Variants in DPYSL2 observed in about 807,000 individuals in gnomAD.
The protein encoded by DPYSL2 is dihydropyrimidinase like 2.
A neutral mutation model predicts 69.9 loss-of-function variants in DPYSL2; 13 were observed. That is an observed-to-expected ratio of 0.19 (90% CI 0.12 to 0.30). The LOEUF (loss-of-function observed/expected upper bound fraction) is 0.30. Ranked by LOEUF, DPYSL2 falls within the 10% of genes least tolerant of loss-of-function variation. DPYSL2 has a pLI of 1.00. For synonymous variants in DPYSL2, 326 were observed against 359.1 expected, an observed-to-expected ratio of 0.91 and a Z score of 1.04; for missense variants, 587 against 918.9, an observed-to-expected ratio of 0.64 and a Z score of 4.67.
rs2129746129 is a variant in DPYSL2, at chr8:26,585,311, G to A, written c.628+1328G>A. ...TATCTGGAAGCTTCTTTTCTATCTTGCCTGAGCTAGAGGAATGTTGCCCTG... is the reference window on the plus strand; with the variant it reads ...TATCTGGAAGCTTCTTTTCTATCTTACCTGAGCTAGAGGAATGTTGCCCTG... On this transcript the variant is annotated intron_variant, in intron 3 of 13. Coordinates refer to ENST00000521913, the MANE Select transcript of DPYSL2 (RefSeq NM_001197293.3). The surrounding 1 kb of genome is among the most constrained non-coding windows in gnomAD (Gnocchi z 4.0). Among the ~76,000 whole-genome samples, 1 of 152,098 alleles carries A rather than the reference G, an allele frequency of 6.6e-6. No homozygotes were observed. Among genetic ancestry groups the A allele is most frequent in the East Asian group, 1.9e-4 (1 of 5,174 alleles).
chr8:26,548,175 G>A (rs12543398), intron 1 of DPYSL2: 90,023 of 236,880 alleles, frequency 0.38, 20,110 homozygotes, highest in East Asian at 0.67. Context: ...AGACAACCAC[G>A]TCCAAGTACT....
chr8:26,609,480 G>A lies in DPYSL2; in HGVS notation c.629-14663G>A, dbSNP rs192686657. Among the ~76,000 whole-genome samples, 3 of 152,320 alleles carry A rather than the reference G, an allele frequency of 2.0e-5. No individual in the cohort carries two copies. Among genetic ancestry groups the A allele is most frequent in the Admixed American group, 1.3e-4 (2 of 15,304 alleles). ...ACGAAGTCAAACCCAGTCTTTGCAC[G>A]TGGAAGCTTGTGGCGTGACTGTTAT... is the stretch of plus-strand genomic sequence containing the variant. On this transcript the variant is annotated intron_variant, in intron 3 of 13. Transcript: ENST00000521913. The surrounding 1 kb of genome is among the most constrained non-coding windows in gnomAD (Gnocchi z 6.5).
Position 26,652,099 on chromosome 8 carries a change from C to T in DPYSL2, c.1597-158C>T, listed in dbSNP as rs191135523. ...CATATTCTAGACAGGGAAATGGAGA[C>T]ACAGCAAGTAAGTGCCTGCTGGGGT... On this transcript the variant is annotated intron_variant, in intron 11 of 13. Transcript: ENST00000521913. The surrounding 1 kb of genome is among the most constrained non-coding windows in gnomAD (Gnocchi z 6.3). Among the ~76,000 whole-genome samples the T allele has an allele frequency of 1.2e-4, 18 of 152,144 alleles. No individual in the cohort carries two copies. The East Asian group carries it at 3.1e-3, about 26-fold the overall frequency.
At chr8:26,646,448 C>A (rs2129979545) in intron 10 of DPYSL2, among the ~76,000 whole-genome samples, 1 of 152,286 alleles carries the variant, frequency 6.6e-6, no homozygotes, top group South Asian at 2.1e-4. Flanking sequence ...CCATTGTTTG[C>A]TGATTTGATA....
Position 26,614,463 on chromosome 8 carries a change from C to G in DPYSL2, c.629-9680C>G, listed in dbSNP as rs1802303685. The stretch of plus-strand genomic sequence containing the variant: ...CATTTTATCCGTATCCCTTTCGTAT[C>G]TTTTAGTGAGTTTTTGTTTTCCCTA... On this transcript the variant is annotated intron_variant, in intron 3 of 13. Transcript: ENST00000521913. This position sits in a 1 kb window ranked among gnomAD's most constrained non-coding sequence, Gnocchi z 4.9. Among the ~76,000 whole-genome samples, 1 of 152,162 alleles carries G rather than the reference C, an allele frequency of 6.6e-6. No individual in the cohort carries two copies. The highest frequency in any genetic ancestry group is 1.5e-5 in the Non-Finnish European group (1 of 68,024).
chr8:26,583,698 A>T, intron 2 of DPYSL2, 101 bp from the exon 3 acceptor site: 1 of 1,104,242 alleles, frequency 9.1e-7, no homozygotes, highest in Non-Finnish European at 1.3e-6. Flanking sequence ...AGCCCACGGC[A>T]CAGAGCGGAG....
chr8:26,577,155 C>G, intron 1 of DPYSL2: 1 of 447,628 alleles, frequency 2.2e-6, no homozygotes, highest in Non-Finnish European at 4.5e-6. Flanking sequence ...TTCCTCAGGG[C>G]TCTCATTTCC....
chr8:26,572,429 C>T (rs1801252697), intron 1 of DPYSL2, among the ~76,000 whole-genome samples: 1 of 152,194 alleles, frequency 6.6e-6, no homozygotes, highest in Non-Finnish European at 1.5e-5. Flanking sequence ...CTCATACCTC[C>T]CTCCCTGCAT....
At chr8:26,637,017 C>CA (rs1205453978) in intron 8 of DPYSL2, among the ~76,000 whole-genome samples, 3 of 152,210 alleles carry the variant, frequency 2.0e-5, no homozygotes, top group Admixed American at 6.5e-5. Context: ...ACTGGGATTA[C>CA]AGGCATGAGC....
At position 26,617,604 on chromosome 8, in the gene DPYSL2, T is replaced by A. The variant is rs1802384341; in HGVS notation, c.629-6539T>A. ...AGTTTTAGGGAGCAGCTTATTTACT[T>A]TGTGTCTCACACTTTGCTAATATCC... On this transcript the variant is annotated intron_variant, in intron 3 of 13. Coordinates refer to ENST00000521913, the MANE Select transcript of DPYSL2 (RefSeq NM_001197293.3). This position sits in a 1 kb window ranked among gnomAD's most constrained non-coding sequence, Gnocchi z 4.7. 6.6e-6 allele frequency among the ~76,000 whole-genome samples: 1 copy of A among 152,228 alleles called. No individual in the cohort carries two copies. Among genetic ancestry groups the A allele is most frequent in the Non-Finnish European group, 1.5e-5 (1 of 68,048 alleles).
rs1258256919 is a variant in DPYSL2, at chr8:26,581,925, A to G, written c.355-44A>G. ...TCACATATCTTAGCACCTGTTTCTC[A>G]TAGGTCAGTTACGCGTTGTGACCTT... is the stretch of plus-strand genomic sequence containing the variant. On this transcript the variant is annotated intron_variant, in intron 1 of 13. Transcript: ENST00000521913. 2.1e-6 allele frequency: 3 copies of G among 1,415,082 alleles called. No individual in the cohort carries two copies. In the South Asian group the frequency reaches 3.5e-5, roughly 16 times the overall value. The allele number at this position is 1,415,082 out of a possible 1,614,324, so 87.7% of individuals were successfully genotyped here.
chr8:26,524,942 G>C (rs1467251550), intron 1 of DPYSL2, among the ~76,000 whole-genome samples: 2 of 149,944 alleles, frequency 1.3e-5, no homozygotes, highest in African/African-American at 4.9e-5. Flanking sequence ...ATTGTTTGAC[G>C]GTTTTCCTAT....
In DPYSL2 at chr8:26,570,074, C is replaced by T. The variant is rs140929706; in HGVS notation, c.355-11895C>T. Reference sequence around the variant, plus strand: ...TTTAAAAAAGAAGGGCAAGATCACACGCAGCAGACTTGATAAACGGTTTGC... The same window carrying T: ...TTTAAAAAAGAAGGGCAAGATCACATGCAGCAGACTTGATAAACGGTTTGC... On this transcript the variant is annotated intron_variant, in intron 1 of 13. Coordinates refer to ENST00000521913, the MANE Select transcript of DPYSL2 (RefSeq NM_001197293.3). Among the ~76,000 whole-genome samples the T allele has an allele frequency of 2.7e-3, 410 of 152,262 alleles. 5 individuals are homozygous for T. Among genetic ancestry groups the T allele is most frequent in the African/African-American group, 8.3e-3 (343 of 41,540 alleles).
rs1044946084 is a variant in DPYSL2, at chr8:26,609,733, T to C, written c.629-14410T>C. Among the ~76,000 whole-genome samples, 1 of 152,198 alleles carries C rather than the reference T, an allele frequency of 6.6e-6. No homozygotes were observed. The highest frequency in any genetic ancestry group is 1.5e-5 in the Non-Finnish European group (1 of 68,032). On this transcript the variant is annotated intron_variant, in intron 3 of 13. Transcript: ENST00000521913. The surrounding 1 kb of genome is among the most constrained non-coding windows in gnomAD (Gnocchi z 6.5). ...CTGGCCAGGCAGGGACTGTTGACCC[T>C]GGCCCCTGTAGGAAGCACCTCTGGC...
At chr8:26,630,259 G>A (rs577762778) in intron 7 of DPYSL2, among the ~76,000 whole-genome samples, 1 of 152,296 alleles carries the variant, frequency 6.6e-6, no homozygotes, top group African/African-American at 2.4e-5. Context: ...TCTCCCTCTG[G>A]GCCGGCTTCT....
rs1802094563 is a variant in DPYSL2 at position 26,605,754 on chromosome 8, T to C, written c.629-18389T>C. Reference sequence around the variant, plus strand: ...CACAATAGCAACATAAAATATAAAATTACTAGGAATTATAAGAATACATTC... The same window carrying C: ...CACAATAGCAACATAAAATATAAAACTACTAGGAATTATAAGAATACATTC... On this transcript the variant is annotated intron_variant, in intron 3 of 13. Coordinates refer to ENST00000521913, the MANE Select transcript of DPYSL2 (RefSeq NM_001197293.3). The surrounding 1 kb of genome is among the most constrained non-coding windows in gnomAD (Gnocchi z 4.1). Among the ~76,000 whole-genome samples, 1 of 151,992 alleles carries C rather than the reference T, an allele frequency of 6.6e-6. No individual in the cohort carries two copies. Among genetic ancestry groups the C allele is most frequent in the African/African-American group, 2.4e-5 (1 of 41,374 alleles).
intron 1 of DPYSL2, among the ~76,000 whole-genome samples, chr8:26,545,829 T>C (rs1468744588): frequency 6.6e-6 from 1 of 152,190 alleles, no homozygotes; most frequent in Non-Finnish European, 1.5e-5. Flanking sequence ...AATTCGACTA[T>C]ATTTATGTGT....
rs1309116539 is a variant in DPYSL2 at position 26,614,453 on chromosome 8, C to T, written c.629-9690C>T. Reference sequence around the variant, plus strand: ...CCTTCAGGATCATTTTATCCGTATCCCTTTCGTATCTTTTAGTGAGTTTTT... The same window carrying T: ...CCTTCAGGATCATTTTATCCGTATCTCTTTCGTATCTTTTAGTGAGTTTTT... On this transcript the variant is annotated intron_variant, in intron 3 of 13. Coordinates refer to ENST00000521913, the MANE Select transcript of DPYSL2 (RefSeq NM_001197293.3). The surrounding 1 kb of genome is among the most constrained non-coding windows in gnomAD (Gnocchi z 4.9). Among the ~76,000 whole-genome samples, 1 of 152,096 alleles carries T rather than the reference C, an allele frequency of 6.6e-6. No individual in the cohort carries two copies. The highest frequency in any genetic ancestry group is 1.5e-5 in the Non-Finnish European group (1 of 68,022).
In DPYSL2 at chr8:26,620,437, G is replaced by A. The variant is rs553013358; in HGVS notation, c.629-3706G>A. Among the ~76,000 whole-genome samples the A allele has an allele frequency of 1.2e-4, 18 of 151,814 alleles. 1 individual carries two copies. In the South Asian group the frequency reaches 3.5e-3, roughly 30 times the overall value. ...ACACCCAGTTAATTTTGTATTTTTA[G>A]TAGAGACGAGGTTTCATCATGTTGC... On this transcript the variant is annotated intron_variant, in intron 3 of 13. Coordinates refer to ENST00000521913, the MANE Select transcript of DPYSL2 (RefSeq NM_001197293.3). This position sits in a 1 kb window ranked among gnomAD's most constrained non-coding sequence, Gnocchi z 4.5.
Sources: gnomAD v4.1 joint callset for allele counts (sites outside exome capture counted in the v4.1 genomes callset) on GRCh38, gnomAD v4.1.1 for gene constraint, Gnocchi (gnomAD v3.1) non-coding constraint, MANE v1.5 for transcripts, NCBI Gene and HGNC (gene_info 2026-07-23, HGNC 2026-07-21) for gene names.